The following SAMD3 variants were observed in gnomAD, a reference collection of about 807,000 sequenced individuals.
SAMD3 encodes sterile alpha motif domain-containing protein 3.
Under a neutral mutation model 58.5 loss-of-function variants are expected in SAMD3, and 63 were observed. That is an observed-to-expected ratio of 1.08 (90% CI 0.88 to 1.33). The LOEUF (loss-of-function observed/expected upper bound fraction) is 1.33. Among genes scored for constraint, SAMD3 ranks in the 40% most tolerant of loss-of-function variants. The probability of loss-of-function intolerance (pLI) is 0.00; values close to 1 mark genes in which losing one functional copy is unlikely to be tolerated. For missense variants in SAMD3, 604 were observed against 608.4 expected (o/e 0.99, Z 0.08); for synonymous variants, 220 against 210.3 (o/e 1.05, Z -0.40).
intron 2 of SAMD3, among the ~76,000 whole-genome samples, chr6:130,279,400 C>T (rs1774902669): frequency 6.6e-6 from 1 of 152,030 alleles, no homozygotes; most frequent in Admixed American, 6.5e-5. Flanking sequence ...ATTCTCTCTC[C>T]TGCCACCCTG....
intron 1 of SAMD3, among the ~76,000 whole-genome samples, chr6:130,318,618 G>A (rs1459318808): frequency 6.6e-6 from 1 of 151,980 alleles, no homozygotes; most frequent in Non-Finnish European, 1.5e-5. Flanking sequence ...TAGTAGTGAT[G>A]GGGTTTCACT....
At chr6:130,207,754 T>C (rs1795205283) in intron 5 of SAMD3, among the ~76,000 whole-genome samples, 2 of 152,312 alleles carry the variant, frequency 1.3e-5, no homozygotes, top group Middle Eastern at 6.8e-3. Flanking sequence ...TTCCACCTTC[T>C]TGGTTGCCAC....
At chr6:130,187,732 C>A (rs1054469724) in intron 5 of SAMD3, among the ~76,000 whole-genome samples, 1 of 152,070 alleles carries the variant, frequency 6.6e-6, no homozygotes. Context: ...GGGCAGAACA[C>A]CATAATAAGT....
chr6:130,365,632 G>A (rs1583162221), upstream of SAMD3: 1 of 985,462 alleles, frequency 1.0e-6, no homozygotes, highest in East Asian at 1.1e-4. Context: ...GGTAACCGGT[G>A]GTCCCGCGGT....
At chr6:130,222,448 C>A (rs1043156921) in intron 1 of SAMD3, among the ~76,000 whole-genome samples, 3 of 151,930 alleles carry the variant, frequency 2.0e-5, no homozygotes, top group Admixed American at 2.0e-4. Context: ...TGGTTAACTG[C>A]AAATAAATTT....
intron 1 of SAMD3, among the ~76,000 whole-genome samples, chr6:130,319,178 G>A (rs1776498343): frequency 2.0e-5 from 3 of 152,036 alleles, no homozygotes; most frequent in Admixed American, 1.3e-4. Flanking sequence ...TAATACAGGA[G>A]AATTTGGAAC....
intron 7 of SAMD3, among the ~76,000 whole-genome samples, chr6:130,182,243 GT>G (rs201955453): frequency 2.3e-5 from 3 of 132,960 alleles, no homozygotes; most frequent in East Asian, 2.2e-4. Context: ...TTGTTGCCTT[GT>G]TTTTTTTCCT....
At position 130,153,666 on chromosome 6, in the gene SAMD3, T is replaced by A. The variant is rs28470450; in HGVS notation, c.1023+1159A>T. On this transcript the variant is annotated intron_variant, in intron 9 of 11. Coordinates refer to ENST00000439090, the MANE Select transcript of SAMD3 (RefSeq NM_001017373.4). ...AAATTTCATATATATATATATATATTTATTTATTTATTTATTTTTTAAAAT... is the reference window on the plus strand; with the variant it reads ...AAATTTCATATATATATATATATATATATTTATTTATTTATTTTTTAAAAT... Among the ~76,000 whole-genome samples, 888 of 89,842 alleles carry A rather than the reference T, an allele frequency of 9.9e-3. 14 individuals carry two copies. Among genetic ancestry groups the A allele is most frequent in the East Asian group, 0.022 (74 of 3,350 alleles). 58.9% of individuals were successfully genotyped at this position (89,842 alleles called of 152,430 possible). A position where few individuals can be genotyped will look rare whatever the true frequency, so the allele number is the denominator to read the frequency against.
chr6:130,305,332 T>C (rs1775880745), intron 2 of SAMD3, among the ~76,000 whole-genome samples: 1 of 152,234 alleles, frequency 6.6e-6, no homozygotes, highest in Admixed American at 6.5e-5. Context: ...GTGGGTTTTA[T>C]GTGTAAACTT....
rs772681255 is a variant in SAMD3 at position 130,154,832 on chromosome 6, G to C, written c.1016C>G (p.Pro339Arg). 2 of 1,606,958 alleles carry C rather than the reference G, an allele frequency of 1.2e-6. No individual in the cohort carries two copies. Among genetic ancestry groups the C allele is most frequent in the Admixed American group, 3.4e-5 (2 of 59,670 alleles). ...TATATAGAATAAAGATACCTGATAA[G>C]GGCACTTCAAGAAAGGAAACAGTTT... ...ILKLFPFLKC[P>R]YQMFREFQLL... is the part of the protein sequence containing the mutation. Residue 339 changes from proline to arginine, a missense_variant, in exon 9 of 12, where the codon CCT becomes CGT. Transcript: ENST00000439090.
intron 2 of SAMD3, among the ~76,000 whole-genome samples, chr6:130,240,907 C>G (rs1213512710): frequency 2.0e-5 from 3 of 152,066 alleles, no homozygotes; most frequent in African/African-American, 7.2e-5. Flanking sequence ...TCTATTATAG[C>G]AGCATGAAAC....
At chr6:130,323,802 C>CA (rs766078214) in intron 1 of SAMD3, among the ~76,000 whole-genome samples, 1,268 of 52,564 alleles carry the variant, frequency 0.024, 41 homozygotes, top group Middle Eastern at 0.032. Flanking sequence ...GACTCTGTCT[C>CA]AAAAAAAAAA....
chr6:130,354,354 A>G (rs992569093), intron 1 of SAMD3, among the ~76,000 whole-genome samples: 13 of 152,210 alleles, frequency 8.5e-5, no homozygotes, highest in African/African-American at 2.4e-4. Context: ...AAATTGTTCT[A>G]TCATAAAGAC....
At chr6:130,306,386 G>A (rs1438045404) in intron 2 of SAMD3, among the ~76,000 whole-genome samples, 1 of 152,142 alleles carries the variant, frequency 6.6e-6, no homozygotes, top group Non-Finnish European at 1.5e-5. Context: ...GTAAATGAGG[G>A]TTAGAGAAGC....
chr6:130,184,352 T>G (rs1792721578), intron 6 of SAMD3, 86 bp downstream of exon 6: 12 of 1,342,962 alleles, frequency 8.9e-6, no homozygotes, highest in Non-Finnish European at 1.1e-5. Context: ...ATCCACAATC[T>G]GAAGAGAGTT....
At chr6:130,364,632 A>C (rs1266777902) in intron 1 of SAMD3, among the ~76,000 whole-genome samples, 1 of 151,974 alleles carries the variant, frequency 6.6e-6, no homozygotes, top group African/African-American at 2.4e-5. Context: ...GTGGGGTAAA[A>C]ATAAAACCAC....
intron 3 of SAMD3, 101 bp from the exon 4 acceptor site, chr6:130,214,627 A>AT (rs1795875399): frequency 2.7e-6 from 2 of 734,240 alleles, no homozygotes; most frequent in African/African-American, 3.6e-5. Context: ...GATCATCTAA[A>AT]CTTGTCCCCT....
chr6:130,186,547 A>G (rs117060813), intron 5 of SAMD3, among the ~76,000 whole-genome samples: 4,649 of 152,096 alleles, frequency 0.031, 89 homozygotes, highest in Middle Eastern at 0.044. Flanking sequence ...AGCCCAATCT[A>G]TTTTCTAGTA....
chr6:130,263,072 T>C (rs1774199634), intron 2 of SAMD3, among the ~76,000 whole-genome samples: 2 of 152,200 alleles, frequency 1.3e-5, no homozygotes, highest in Admixed American at 6.5e-5. Flanking sequence ...AATAACACAC[T>C]AATATAAATG....
Sources: allele counts gnomAD v4.1 joint callset (sites outside exome capture counted in the v4.1 genomes callset), GRCh38; gene constraint gnomAD v4.1.1; transcripts MANE v1.5; gene names NCBI Gene and HGNC (gene_info 2026-07-23, HGNC 2026-07-21).